Variants in EPB41L4A observed in about 807,000 individuals in gnomAD.
EPB41L4A encodes the protein band 4.1-like protein 4A.
EPB41L4A carries 100 observed loss-of-function variants against 108.6 expected under a neutral mutation model. The observed-to-expected ratio is 0.92, with a 90% CI of 0.78 to 1.09. EPB41L4A has a LOEUF of 1.09. Among genes scored for constraint, EPB41L4A ranks in the 50% least tolerant of loss-of-function variants. The pLI is 0.00. For synonymous variants in EPB41L4A, 319 were observed against 289.0 expected, an observed-to-expected ratio of 1.10 and a Z score of -1.05; for missense variants, 1,030 against 842.7, an observed-to-expected ratio of 1.22 and a Z score of -2.75.
In EPB41L4A at chr5:112,304,186, C is replaced by A. The variant is rs143436977; in HGVS notation, c.204+3200G>T. ...TCTGTGTGCTTCACACATTCCCCCT[C>A]CTTTGACTTCTGAAGTAAAAGGGCA... On this transcript the variant is annotated intron_variant, in intron 2 of 22. Transcript: ENST00000261486. Among the ~76,000 whole-genome samples, 6 of 152,276 alleles carry A rather than the reference C, an allele frequency of 3.9e-5. No homozygotes were observed. The East Asian group carries it at 9.7e-4, about 24-fold the overall frequency.
At chr5:112,323,723 A>G (rs1755959005) in intron 1 of EPB41L4A, among the ~76,000 whole-genome samples, 1 of 152,170 alleles carries the variant, frequency 6.6e-6, no homozygotes, top group Non-Finnish European at 1.5e-5. Flanking sequence ...AGTCTCCCTT[A>G]CCACAGTAAG....
In EPB41L4A at chr5:112,234,791, A is replaced by G. The variant is rs779112497; in HGVS notation, c.966-36T>C. 1.9e-6 allele frequency: 3 copies of G among 1,588,674 alleles called. No homozygotes were observed. The East Asian group carries it at 6.7e-5, about 36-fold the overall frequency. On this transcript the variant is annotated intron_variant, in intron 11 of 22. Coordinates refer to ENST00000261486, the MANE Select transcript of EPB41L4A (RefSeq NM_022140.5). The stretch of plus-strand genomic sequence containing the variant: ...CAACATTTTGATTAGCAAAGGTAAA[A>G]CCACACAGCCACAAAATTAAACAAC...
At chr5:112,352,267 GCTTC>G (rs1198352540) in intron 1 of EPB41L4A, among the ~76,000 whole-genome samples, 1 of 152,124 alleles carries the variant, frequency 6.6e-6, no homozygotes, top group African/African-American at 2.4e-5. Context: ...ATTGCTATAA[GCTTC>G]CCTCTTAGCA....
At chr5:112,265,144 C>T (rs1328562601) in intron 5 of EPB41L4A, 128 bp from the exon 6 acceptor site, 17 of 821,560 alleles carry the variant, frequency 2.1e-5, no homozygotes, top group Non-Finnish European at 3.0e-5. Context: ...TATAAGACAA[C>T]TAAATAATTT....
chr5:112,225,784 G>A (rs752681762), intron 12 of EPB41L4A, among the ~76,000 whole-genome samples: 2 of 152,158 alleles, frequency 1.3e-5, no homozygotes, highest in South Asian at 2.1e-4. Flanking sequence ...AGATCATTTC[G>A]TATCTGTACA....
At chr5:112,142,444 A>T (rs920810516) in exon 14 of EPB41L4A, 1 of 152,246 alleles carries the variant, frequency 6.6e-6, no homozygotes, top group African/African-American at 2.4e-5. Context: ...ACAAGATGAA[A>T]ATATGAACTT....
intron 1 of EPB41L4A, among the ~76,000 whole-genome samples, chr5:112,337,389 G>A (rs369601470): frequency 1.3e-4 from 20 of 152,046 alleles, no homozygotes; most frequent in South Asian, 4.2e-4. Context: ...ATCAACCACC[G>A]TGTTAAGCAC....
intron 9 of EPB41L4A, among the ~76,000 whole-genome samples, chr5:112,251,879 G>A (rs893064942): frequency 2.0e-5 from 3 of 152,102 alleles, no homozygotes; most frequent in Non-Finnish European, 4.4e-5. Flanking sequence ...AAGGAGAGAA[G>A]GGAGGACCAA....
chr5:112,204,679 G>A, intron 14 of EPB41L4A, 191 bp from the exon 15 acceptor site: 1 of 439,400 alleles, frequency 2.3e-6, no homozygotes. Context: ...AATCATAAAG[G>A]TCATTATTTT....
rs529067142 is a variant in EPB41L4A at position 112,350,135 on chromosome 5, C to G, written c.100-42645G>C. ...GTCAGGTATGACTGAGGGACTCAATCTTTATATATTTTGTTTAATTTTAAT... is the reference window on the plus strand; with the variant it reads ...GTCAGGTATGACTGAGGGACTCAATGTTTATATATTTTGTTTAATTTTAAT... On this transcript the variant is annotated intron_variant, in intron 1 of 22. Coordinates refer to ENST00000261486, the MANE Select transcript of EPB41L4A (RefSeq NM_022140.5). 1.7e-4 allele frequency among the ~76,000 whole-genome samples: 11 copies of G among 65,320 alleles called. No individual in the cohort carries two copies. In the East Asian group the frequency reaches 5.0e-3, roughly 30 times the overall value. The allele number at this position is 65,320 out of a possible 152,430, so 42.9% of individuals were successfully genotyped here.
chr5:112,376,409 G>A (rs1417347013), intron 1 of EPB41L4A, among the ~76,000 whole-genome samples: 1 of 152,188 alleles, frequency 6.6e-6, no homozygotes, highest in African/African-American at 2.4e-5. Flanking sequence ...CAAAGAAATT[G>A]GGTAACTCAT....
intron 1 of EPB41L4A, among the ~76,000 whole-genome samples, chr5:112,342,238 C>T (rs558600503): frequency 8.5e-5 from 13 of 152,324 alleles, no homozygotes; most frequent in East Asian, 7.7e-4. Context: ...GATGACTGGA[C>T]GTGATAACAT....
intron 13 of EPB41L4A, among the ~76,000 whole-genome samples, chr5:112,208,973 A>C (rs1762599203): frequency 6.6e-6 from 1 of 152,262 alleles, no homozygotes; most frequent in Non-Finnish European, 1.5e-5. Context: ...TAAATGTCTT[A>C]GAACCAAACA....
At chr5:112,302,662 T>C (rs1297188653) in intron 2 of EPB41L4A, among the ~76,000 whole-genome samples, 2 of 152,200 alleles carry the variant, frequency 1.3e-5, no homozygotes, top group Non-Finnish European at 1.5e-5. Context: ...CCAGGTAGAC[T>C]GTGGTTTGAA....
At chr5:112,254,040 C>T (rs963994981) in intron 9 of EPB41L4A, among the ~76,000 whole-genome samples, 1 of 152,094 alleles carries the variant, frequency 6.6e-6, no homozygotes, top group African/African-American at 2.4e-5. Context: ...GCCAGAGTTG[C>T]CAGGAACCTT....
Position 112,375,936 on chromosome 5 carries a change from A to C in EPB41L4A, c.99+43005T>G, listed in dbSNP as rs572138333. 7.1e-4 allele frequency among the ~76,000 whole-genome samples: 108 copies of C among 152,206 alleles called. 1 individual carries two copies. Among genetic ancestry groups the C allele is most frequent in the Non-Finnish European group, 1.4e-3 (94 of 68,042 alleles). On this transcript the variant is annotated intron_variant, in intron 1 of 22. Coordinates refer to ENST00000261486, the MANE Select transcript of EPB41L4A (RefSeq NM_022140.5). Reference sequence around the variant, plus strand: ...ATGACTGACAATGTCTGTGCCTCCAAGGGGTTAGGGTATGAAAAAGAGGCA... The same window carrying C: ...ATGACTGACAATGTCTGTGCCTCCACGGGGTTAGGGTATGAAAAAGAGGCA...
chr5:112,179,241 T>C (rs1172752143), intron 18 of EPB41L4A, among the ~76,000 whole-genome samples: 1 of 152,114 alleles, frequency 6.6e-6, no homozygotes, highest in Admixed American at 6.5e-5. Context: ...CAGGCAGAGA[T>C]TGTTTCACTG....
chr5:112,238,835 G>T (rs1358748114), intron 11 of EPB41L4A, among the ~76,000 whole-genome samples: 1 of 152,162 alleles, frequency 6.6e-6, no homozygotes, highest in African/African-American at 2.4e-5. Flanking sequence ...TCTCTCCATT[G>T]AACAGAATGA....
chr5:112,338,721 G>T (rs757457587), intron 1 of EPB41L4A, among the ~76,000 whole-genome samples: 2 of 152,170 alleles, frequency 1.3e-5, no homozygotes, highest in Non-Finnish European at 2.9e-5. Flanking sequence ...CTAGAACAGG[G>T]TTGGAAAACT....
Sources: gnomAD v4.1 joint callset for allele counts (sites outside exome capture counted in the v4.1 genomes callset) on GRCh38, gnomAD v4.1.1 for gene constraint, MANE v1.5 for transcripts, NCBI Gene and HGNC (gene_info 2026-07-23, HGNC 2026-07-21) for gene names.